Variants in AMZ1 observed in about 807,000 individuals in gnomAD.
AMZ1 encodes the protein archaemetzincin-1.
In AMZ1, 39 loss-of-function variants were observed where a neutral mutation model predicts 29.9. The observed-to-expected ratio is 1.30, with a 90% CI of 1.01 to 1.70. The LOEUF (loss-of-function observed/expected upper bound fraction) is 1.70. AMZ1 is among the 40% of genes most tolerant of loss of function. The pLI is 0.00. For missense variants in AMZ1, 1,041 were observed against 680.6 expected (o/e 1.53, Z -5.89); for synonymous variants, 458 against 304.0 (o/e 1.51, Z -5.27).
rs781381631 is a variant in AMZ1, at chr7:2,712,635, G to C, written c.1254G>C (p.Leu418=). 7 of 1,613,098 alleles carry C rather than the reference G, an allele frequency of 4.3e-6. No individual in the cohort carries two copies. Among genetic ancestry groups the C allele is most frequent in the Middle Eastern group, 1.7e-4 (1 of 6,060 alleles). Reference sequence around the variant, plus strand: ...GGCTGGCCATGTGCATCCAGGCCCTGCAGCGGGAAGTGGCAGAGGAGGACC... The same window carrying C: ...GGCTGGCCATGTGCATCCAGGCCCTCCAGCGGGAAGTGGCAGAGGAGGACC... ...ERWLAMCIQA[L]QREVAEEDLV... Residue 418 remains leucine, a synonymous_variant, in exon 7 of 7, where the codon CTG becomes CTC. Coordinates refer to ENST00000683327, the MANE Select transcript of AMZ1 (RefSeq NM_001384743.1).
intron 4 of AMZ1, among the ~76,000 whole-genome samples, chr7:2,757,543 G>T (rs772689248): frequency 2.6e-5 from 4 of 152,188 alleles, no homozygotes; most frequent in Non-Finnish European, 4.4e-5. Context: ...ACAAGCCTTA[G>T]ATGGGAACGC....
At chr7:2,763,017 G>A (rs1043303354), upstream of AMZ1, 51 of 1,278,652 alleles carry the variant, frequency 4.0e-5, no homozygotes, top group Non-Finnish European at 4.9e-5. Flanking sequence ...CAGCCCCGCC[G>A]GCCACTGGCC....
At chr7:2,744,445 T>G (rs561627371) in intron 4 of AMZ1, among the ~76,000 whole-genome samples, 1 of 152,304 alleles carries the variant, frequency 6.6e-6, no homozygotes, top group East Asian at 1.9e-4. Flanking sequence ...CCAACAGACC[T>G]GCAGCTGAGG....
chr7:2,762,593 C>CA, upstream of AMZ1: 1 of 1,505,978 alleles, frequency 6.6e-7, no homozygotes, highest in Non-Finnish European at 8.9e-7. Context: ...TTTACAAACC[C>CA]AAAAAAGGAC....
intron 4 of AMZ1, among the ~76,000 whole-genome samples, chr7:2,751,193 G>C (rs1456881423): frequency 1.3e-5 from 2 of 151,924 alleles, no homozygotes; most frequent in African/African-American, 4.8e-5. Context: ...TTCAAGACCT[G>C]GGCAACATGG....
chr7:2,695,793 A>G (rs886193746), intron 1 of AMZ1, among the ~76,000 whole-genome samples: 6 of 152,146 alleles, frequency 3.9e-5, no homozygotes, highest in Admixed American at 3.3e-4. Flanking sequence ...GGTAGATCAC[A>G]TGAGGTCAGG....
upstream of AMZ1, among the ~76,000 whole-genome samples, chr7:2,686,813 C>G (rs902324532): frequency 6.6e-6 from 1 of 151,934 alleles, no homozygotes; most frequent in African/African-American, 2.4e-5. Flanking sequence ...CTCCCGGGTT[C>G]AAGTGATTCT....
At chr7:2,749,877 A>G (rs1274326562) in intron 4 of AMZ1, among the ~76,000 whole-genome samples, 1 of 152,206 alleles carries the variant, frequency 6.6e-6, no homozygotes, top group Admixed American at 6.5e-5. Flanking sequence ...AAAAGAGAAA[A>G]AAGATAAAGA....
rs1220453917 is a variant in AMZ1, at chr7:2,731,169, G to C, written n.550+21353G>C. On this transcript the variant is annotated intron_variant and non_coding_transcript_variant, in intron 4 of 4. Transcript: ENST00000489665. This position sits in a 1 kb window ranked among gnomAD's most constrained non-coding sequence, Gnocchi z 6.0. ...GGCTGCTCAACGACGACAAACCCCG[G>C]GGCTTCCTCGCTCACTGCAGCATGA... 1.3e-6 allele frequency: 2 copies of C among 1,586,254 alleles called. No homozygotes were observed. Among genetic ancestry groups the C allele is most frequent in the Non-Finnish European group, 1.7e-6 (2 of 1,161,154 alleles).
At chr7:2,684,064 G>A (rs1323822753), upstream of AMZ1, among the ~76,000 whole-genome samples, 1 of 151,960 alleles carries the variant, frequency 6.6e-6, no homozygotes, top group African/African-American at 2.4e-5. Flanking sequence ...TATAATCCCA[G>A]CTACTCAGGA....
chr7:2,705,082 T>C (rs4719640), intron 3 of AMZ1, among the ~76,000 whole-genome samples: 111,500 of 152,206 alleles, frequency 0.73, 40,925 homozygotes, highest in South Asian at 0.87. Context: ...TTGTTATTTT[T>C]GATTGTTAGT....
At chr7:2,725,029 C>G (rs1789563450) in intron 4 of AMZ1, among the ~76,000 whole-genome samples, 2 of 152,202 alleles carry the variant, frequency 1.3e-5, no homozygotes, top group Admixed American at 6.5e-5. Flanking sequence ...CACACAAACA[C>G]TAACTTGCAG....
At chr7:2,759,861 C>A, upstream of AMZ1, among the ~76,000 whole-genome samples, 1 of 147,450 alleles carries the variant, frequency 6.8e-6, no homozygotes, top group South Asian at 2.1e-4. Flanking sequence ...GATTGTCCGC[C>A]CCCGTCTCAG....
intron 1 of AMZ1, among the ~76,000 whole-genome samples, chr7:2,699,647 A>G (rs894178875): frequency 6.6e-6 from 1 of 151,876 alleles, no homozygotes; most frequent in Non-Finnish European, 1.5e-5. Flanking sequence ...CCTAGGTGAT[A>G]GGGGCTCTGG....
rs188057939 is a variant in AMZ1 at position 2,690,938 on chromosome 7, C to T, written c.-219+2642C>T. 8.6e-5 allele frequency among the ~76,000 whole-genome samples: 13 copies of T among 151,636 alleles called. No homozygotes were observed. The East Asian group carries it at 2.5e-3, about 30-fold the overall frequency. Reference sequence around the variant, plus strand: ...GGCAGACCACTTGAGGCCAGGAGTTCGATACTAGCCTGGCCAACATGGTGA... The same window carrying T: ...GGCAGACCACTTGAGGCCAGGAGTTTGATACTAGCCTGGCCAACATGGTGA... On this transcript the variant is annotated intron_variant, in intron 1 of 6. Transcript: ENST00000683327.
In AMZ1 at chr7:2,696,494, T is replaced by G. The variant is rs191158130; in HGVS notation, c.-218-3740T>G. On this transcript the variant is annotated intron_variant, in intron 1 of 6. Coordinates refer to ENST00000683327, the MANE Select transcript of AMZ1 (RefSeq NM_001384743.1). ...GGATGGTCTCGATCTCCTGACCTCG[T>G]GATCTGCCCGCCTGGGCCTCCCAAA... Among the ~76,000 whole-genome samples, 778 of 150,336 alleles carry G rather than the reference T, an allele frequency of 5.2e-3. 27 individuals carry two copies. Among genetic ancestry groups the G allele is most frequent in the Admixed American group, 0.049 (735 of 15,104 alleles).
At chr7:2,746,471 G>A (rs1260414148) in intron 4 of AMZ1, among the ~76,000 whole-genome samples, 3 of 152,092 alleles carry the variant, frequency 2.0e-5, no homozygotes, top group African/African-American at 4.8e-5. Context: ...TGAAACCAAC[G>A]AGAACAAAGA....
At chr7:2,725,269 G>A (rs1386939967) in intron 4 of AMZ1, among the ~76,000 whole-genome samples, 2 of 152,216 alleles carry the variant, frequency 1.3e-5, no homozygotes, top group Admixed American at 1.3e-4. Context: ...GCCATGGCCT[G>A]CGGTAGGCAG....
chr7:2,717,332 C>G lies in AMZ1; in HGVS notation c.*4454C>G, dbSNP rs150445763. ...GCTCATAGACCTGAACTGGGTCTGCCTGCCTGTGTGCTGGAAGCAAACGAC... is the reference window on the plus strand; with the variant it reads ...GCTCATAGACCTGAACTGGGTCTGCGTGCCTGTGTGCTGGAAGCAAACGAC... On this transcript the variant is annotated 3_prime_UTR_variant, in exon 7 of 7. Transcript: ENST00000683327. 1.8e-4 allele frequency among the ~76,000 whole-genome samples: 28 copies of G among 152,384 alleles called. No individual in the cohort carries two copies. In the East Asian group the frequency reaches 5.4e-3, roughly 29 times the overall value.
Sources: allele counts gnomAD v4.1 joint callset (sites outside exome capture counted in the v4.1 genomes callset), GRCh38; gene constraint gnomAD v4.1.1; non-coding constraint Gnocchi (gnomAD v3.1); transcripts MANE v1.5; gene names NCBI Gene and HGNC (gene_info 2026-07-23, HGNC 2026-07-21).